Variants in FRMPD4 observed in about 807,000 individuals in gnomAD.
The protein encoded by FRMPD4 is FERM and PDZ domain-containing protein 4.
Under a neutral mutation model 94.1 loss-of-function variants are expected in FRMPD4, and 22 were observed. The ratio of observed to expected loss-of-function variants is 0.23; its 90% CI spans 0.17 to 0.33. FRMPD4 has a LOEUF of 0.33. Among genes scored for constraint, FRMPD4 ranks in the 10% least tolerant of loss-of-function variants. FRMPD4 has a pLI of 1.00. For missense variants in FRMPD4, 1,111 were observed against 1,339.9 expected, an observed-to-expected ratio of 0.83 and a Z score of 2.67; for synonymous variants, 631 against 548.6, an observed-to-expected ratio of 1.15 and a Z score of -2.10.
intron 3 of FRMPD4, among the ~76,000 whole-genome samples, chrX:12,016,942 C>T (rs1191696149): frequency 8.9e-6 from 1 of 112,140 alleles, no homozygotes; most frequent in Admixed American, 9.4e-5. Context: ...TTGACCTGAG[C>T]TTTACACTGT....
At chrX:11,974,039 G>A (rs1197431321) in intron 3 of FRMPD4, among the ~76,000 whole-genome samples, 1 of 111,764 alleles carries the variant, frequency 8.9e-6, no homozygotes, top group Non-Finnish European at 1.9e-5. Flanking sequence ...GTGGTTTCGA[G>A]TGGAACTCTG....
chrX:12,653,855 C>A (rs2059624084), intron 4 of FRMPD4, among the ~76,000 whole-genome samples: 2 of 112,311 alleles, frequency 1.8e-5, no homozygotes, highest in African/African-American at 6.5e-5. Context: ...GCAACCCCCA[C>A]CTCCCGGATT....
At chrX:11,999,706 C>T (rs1469056857) in intron 3 of FRMPD4, among the ~76,000 whole-genome samples, 2 of 112,012 alleles carry the variant, frequency 1.8e-5, no homozygotes, top group Non-Finnish European at 3.8e-5. Flanking sequence ...GCATCTCCTG[C>T]TGCTGATAAC....
chrX:12,643,818 A>C (rs1395091474), intron 4 of FRMPD4, among the ~76,000 whole-genome samples: 1 of 111,954 alleles, frequency 8.9e-6, no homozygotes, highest in East Asian at 2.8e-4. Flanking sequence ...CCTGCATTGG[A>C]GACCAAGTCT....
At chrX:12,118,371 C>T (rs1016126950) in intron 3 of FRMPD4, among the ~76,000 whole-genome samples, 11 of 101,704 alleles carry the variant, frequency 1.1e-4, no homozygotes, top group African/African-American at 3.8e-4. Context: ...ACCTCACTTT[C>T]TTGTCTTTTT....
At chrX:11,927,761 A>C (rs996870999) in intron 3 of FRMPD4, among the ~76,000 whole-genome samples, 1 of 112,431 alleles carries the variant, frequency 8.9e-6, no homozygotes, top group Admixed American at 9.4e-5. Flanking sequence ...GATGGATTAA[A>C]CACCTAACTG....
intron 2 of FRMPD4, among the ~76,000 whole-genome samples, chrX:12,552,766 C>A (rs1255286920): frequency 8.9e-6 from 1 of 112,348 alleles, no homozygotes; most frequent in Non-Finnish European, 1.9e-5. Flanking sequence ...TAACTTTTAT[C>A]CCTGTCTCTT....
chrX:12,287,552 TAAGA>T (rs1424419951), intron 1 of FRMPD4, among the ~76,000 whole-genome samples: 1 of 111,458 alleles, frequency 9.0e-6, no homozygotes, highest in Non-Finnish European at 1.9e-5. Flanking sequence ...GAGTGGGCTT[TAAGA>T]AAGAAAATAC....
chrX:12,645,613 C>T (rs2059541494), intron 4 of FRMPD4, among the ~76,000 whole-genome samples: 1 of 110,159 alleles, frequency 9.1e-6, no homozygotes, highest in Non-Finnish European at 1.9e-5. Flanking sequence ...CCTCAGCCTC[C>T]CAAAGTGCTG....
chrX:12,601,448 G>T (rs2059083901), intron 2 of FRMPD4, among the ~76,000 whole-genome samples: 1 of 111,557 alleles, frequency 9.0e-6, no homozygotes, highest in South Asian at 3.8e-4. Context: ...TGCAGAGAAG[G>T]TTTAGGATCC....
At chrX:12,475,847 A>G (rs1177110196) in intron 1 of FRMPD4, among the ~76,000 whole-genome samples, 3 of 111,738 alleles carry the variant, frequency 2.7e-5, no homozygotes, top group Non-Finnish European at 3.8e-5. Context: ...TTCCATGCTC[A>G]TGGGTAGGAA....
At chrX:12,649,445 C>G (rs1355462236) in intron 4 of FRMPD4, among the ~76,000 whole-genome samples, 1 of 111,764 alleles carries the variant, frequency 8.9e-6, no homozygotes, top group Admixed American at 9.5e-5. Context: ...TGTCACATCT[C>G]TCATATGCTA....
At chrX:11,984,534 C>T (rs183817300) in intron 3 of FRMPD4, among the ~76,000 whole-genome samples, 96 of 112,569 alleles carry the variant, frequency 8.5e-4, no homozygotes, top group African/African-American at 3.0e-3. Flanking sequence ...GGTTTTGCTG[C>T]CCACAGAGTG....
chrX:11,857,311 T>C (rs1312587873), intron 1 of FRMPD4, among the ~76,000 whole-genome samples: 2 of 111,173 alleles, frequency 1.8e-5, no homozygotes, highest in Non-Finnish European at 3.8e-5. Context: ...CAAACTGTAC[T>C]ACAGAGCTAC....
At chrX:11,826,636 A>G (rs2053444968) in intron 1 of FRMPD4, among the ~76,000 whole-genome samples, 1 of 112,115 alleles carries the variant, frequency 8.9e-6, no homozygotes, top group African/African-American at 3.2e-5. Flanking sequence ...ACTTTTTAAT[A>G]GGTTTCTCTT....
chrX:12,408,269 C>A (rs2056690656), intron 1 of FRMPD4, among the ~76,000 whole-genome samples: 1 of 106,900 alleles, frequency 9.4e-6, no homozygotes, highest in Non-Finnish European at 1.9e-5. Flanking sequence ...TGTTAAGAAG[C>A]AATTTTTACT....
intron 1 of FRMPD4, among the ~76,000 whole-genome samples, chrX:12,283,248 G>C (rs1413803700): frequency 1.8e-5 from 2 of 113,163 alleles, no homozygotes; most frequent in Non-Finnish European, 3.7e-5. Context: ...AGGCCAAGTG[G>C]AGAACAAAGT....
intron 1 of FRMPD4, among the ~76,000 whole-genome samples, chrX:12,194,650 G>C (rs2056545713): frequency 8.9e-6 from 1 of 111,758 alleles, no homozygotes; most frequent in Non-Finnish European, 1.9e-5. Context: ...AATACAAATT[G>C]TTATAGCATT....
At chrX:12,019,833 C>T (rs1442866818) in intron 3 of FRMPD4, among the ~76,000 whole-genome samples, 1 of 111,585 alleles carries the variant, frequency 9.0e-6, no homozygotes, top group Non-Finnish European at 1.9e-5. Flanking sequence ...CATTTCCTCC[C>T]CTTGCCCCAT....
Sources: gnomAD v4.1 joint callset for allele counts (sites outside exome capture counted in the v4.1 genomes callset) on GRCh38, gnomAD v4.1.1 for gene constraint, MANE v1.5 for transcripts, NCBI Gene and HGNC (gene_info 2026-07-23, HGNC 2026-07-21) for gene names.